Variants in CDK14 observed in about 807,000 individuals in gnomAD.
CDK14 encodes the protein cyclin dependent kinase 14, also known as cyclin-dependent kinase 14.
CDK14 carries 34 observed loss-of-function variants against 60.7 expected under a neutral mutation model. The observed-to-expected ratio is 0.56, with a 90% CI of 0.43 to 0.75. The LOEUF (loss-of-function observed/expected upper bound fraction) is 0.75. Ranked by LOEUF, CDK14 falls within the 30% of genes least tolerant of loss-of-function variation. The pLI is 0.00. For synonymous variants in CDK14, 197 were observed against 203.7 expected (o/e 0.97, Z 0.28); for missense variants, 482 against 564.1 (o/e 0.85, Z 1.47).
intron 9 of CDK14, among the ~76,000 whole-genome samples, chr7:90,978,960 T>G (rs1319419184): frequency 6.6e-6 from 1 of 151,994 alleles, no homozygotes; most frequent in Non-Finnish European, 1.5e-5. Context: ...TATTATTGTG[T>G]TTTTTTGCAA....
chr7:91,118,037 A>G (rs746394880), intron 13 of CDK14, 28 bp from the exon 14 acceptor site: 1 of 1,293,884 alleles, frequency 7.7e-7, no homozygotes, highest in East Asian at 2.3e-5. Flanking sequence ...ATAACTATAT[A>G]AATGAAAACT....
chr7:90,799,463 G>A (rs7808016), intron 5 of CDK14, among the ~76,000 whole-genome samples: 66,059 of 151,620 alleles, frequency 0.44, 15,185 homozygotes, highest in East Asian at 0.82. Context: ...GGAGGCAGGC[G>A]GATCACCTGA....
intron 8 of CDK14, among the ~76,000 whole-genome samples, chr7:90,942,472 T>A (rs1183475004): frequency 6.6e-6 from 1 of 152,188 alleles, no homozygotes; most frequent in Non-Finnish European, 1.5e-5. Flanking sequence ...GGGTTAAGGA[T>A]CTGATCACAA....
chr7:90,778,846 A>ATCTTCCTTCCTTCCTTCCTT (rs1554335028), intron 4 of CDK14, among the ~76,000 whole-genome samples: 66 of 127,972 alleles, frequency 5.2e-4, no homozygotes, highest in African/African-American at 1.9e-3. Context: ...AAATTGACCG[A>ATCTTCCTTCCTTCCTTCCTT]CCTTCCTTCC....
At chr7:90,618,934 A>G (rs988740090) in intron 2 of CDK14, among the ~76,000 whole-genome samples, 1 of 152,192 alleles carries the variant, frequency 6.6e-6, no homozygotes, top group Non-Finnish European at 1.5e-5. Context: ...GAGAAGGAGC[A>G]GGGAAGTAAA....
rs17869565 is a variant in CDK14 at position 90,653,785 on chromosome 7, A to G, written c.123+49536A>G. On this transcript the variant is annotated intron_variant, in intron 2 of 14. Transcript: ENST00000380050. ...CTGCACCCATTAACTCGTCATTTACATTAGGTATATCTCCTAATGCTATCC... is the reference window on the plus strand; with the variant it reads ...CTGCACCCATTAACTCGTCATTTACGTTAGGTATATCTCCTAATGCTATCC... Among the ~76,000 whole-genome samples the G allele has an allele frequency of 5.2e-3, 787 of 152,274 alleles. 12 individuals are homozygous for G. Among genetic ancestry groups the G allele is most frequent in the African/African-American group, 0.018 (754 of 41,556 alleles).
chr7:90,811,159 G>A (rs1300340413), intron 5 of CDK14, among the ~76,000 whole-genome samples: 2 of 152,198 alleles, frequency 1.3e-5, no homozygotes, highest in Admixed American at 6.5e-5. Context: ...CCATTGCCAA[G>A]TCAATCCTAA....
intron 6 of CDK14, among the ~76,000 whole-genome samples, chr7:90,887,553 A>G (rs1306706464): frequency 6.6e-6 from 1 of 152,146 alleles, no homozygotes; most frequent in African/African-American, 2.4e-5. Flanking sequence ...CGTAACATAA[A>G]TTTATTTTTC....
intron 10 of CDK14, among the ~76,000 whole-genome samples, chr7:91,027,300 C>G (rs1796601001): frequency 1.3e-5 from 2 of 152,180 alleles, no homozygotes; most frequent in Non-Finnish European, 2.9e-5. Flanking sequence ...AAACTAACAG[C>G]AACTGAGAGT....
At chr7:90,721,647 C>G (rs1802458912) in intron 2 of CDK14, among the ~76,000 whole-genome samples, 1 of 152,074 alleles carries the variant, frequency 6.6e-6, no homozygotes, top group Non-Finnish European at 1.5e-5. Flanking sequence ...TCTTCCTTTC[C>G]TTACTGGAGA....
intron 1 of CDK14, among the ~76,000 whole-genome samples, chr7:90,602,045 G>A (rs1463474942): frequency 6.6e-6 from 1 of 152,078 alleles, no homozygotes; most frequent in African/African-American, 2.4e-5. Flanking sequence ...GAGCTCTGGC[G>A]ACCCATCCGC....
intron 2 of CDK14, among the ~76,000 whole-genome samples, chr7:90,705,267 A>C (rs1432884324): frequency 1.3e-5 from 2 of 151,902 alleles, no homozygotes; most frequent in African/African-American, 2.4e-5. Flanking sequence ...TCATATTTAA[A>C]ATTTTCTTAG....
chr7:90,710,457 T>C (rs999262766), intron 2 of CDK14: 37 of 985,024 alleles, frequency 3.8e-5, no homozygotes, highest in Middle Eastern at 1.0e-3. Context: ...AGAATAAATA[T>C]CTCTAATATA....
chr7:90,654,569 T>A (rs1688686408), intron 2 of CDK14, among the ~76,000 whole-genome samples: 1 of 152,158 alleles, frequency 6.6e-6, no homozygotes, highest in African/African-American at 2.4e-5. Flanking sequence ...CCGTAAGAAC[T>A]CTCCATCAGA....
intron 5 of CDK14, among the ~76,000 whole-genome samples, chr7:90,802,672 C>T (rs1031107624): frequency 2.0e-5 from 3 of 152,096 alleles, no homozygotes; most frequent in East Asian, 1.9e-4. Flanking sequence ...GATGAAAATA[C>T]GACTCAACTT....
At chr7:90,747,057 C>A (rs971095956) in intron 3 of CDK14, among the ~76,000 whole-genome samples, 3 of 152,076 alleles carry the variant, frequency 2.0e-5, no homozygotes, top group Non-Finnish European at 4.4e-5. Context: ...AGTTTGAAAA[C>A]CATGAAACAA....
At chr7:90,856,737 T>C (rs1790830763) in intron 5 of CDK14, among the ~76,000 whole-genome samples, 1 of 152,190 alleles carries the variant, frequency 6.6e-6, no homozygotes, top group Non-Finnish European at 1.5e-5. Context: ...AGATGGAACT[T>C]AGTAGTTAAA....
chr7:91,128,644 A>C (rs962990906), intron 14 of CDK14, among the ~76,000 whole-genome samples: 8 of 152,192 alleles, frequency 5.3e-5, no homozygotes, highest in African/African-American at 1.7e-4. Context: ...GTTGTCTACA[A>C]GTAACAAGTA....
intron 9 of CDK14, among the ~76,000 whole-genome samples, chr7:90,961,303 C>G (rs942646424): frequency 6.6e-6 from 1 of 152,120 alleles, no homozygotes; most frequent in African/African-American, 2.4e-5. Flanking sequence ...CTGTTTTTCT[C>G]TCCTGACATT....
Sources: gnomAD v4.1 joint callset for allele counts (sites outside exome capture counted in the v4.1 genomes callset) on GRCh38, gnomAD v4.1.1 for gene constraint, MANE v1.5 for transcripts, NCBI Gene and HGNC (gene_info 2026-07-23, HGNC 2026-07-21) for gene names.